SPIN1: variants seen among roughly 807,000 people sequenced by gnomAD.
SPIN1 encodes spindlin 1, also known as spindlin-1.
SPIN1 carries 3 observed loss-of-function variants against 26.0 expected under a neutral mutation model. That is an observed-to-expected ratio of 0.12 (90% CI 0.05 to 0.30). SPIN1 has a LOEUF of 0.30. SPIN1 is among the 10% of genes least tolerant of loss of function. SPIN1 has a pLI of 1.00. For missense variants in SPIN1, 126 were observed against 333.4 expected, an observed-to-expected ratio of 0.38 and a Z score of 4.84; for synonymous variants, 101 against 116.5, an observed-to-expected ratio of 0.87 and a Z score of 0.86.
At chr9:88,426,179 T>C (rs1292246520) in intron 1 of SPIN1, among the ~76,000 whole-genome samples, 1 of 152,222 alleles carries the variant, frequency 6.6e-6, no homozygotes, top group Non-Finnish European at 1.5e-5. Flanking sequence ...CAGGCTTCTT[T>C]TTTTAAAGAG....
At chr9:88,400,767 C>T (rs1012057894) in intron 1 of SPIN1, among the ~76,000 whole-genome samples, 4 of 151,916 alleles carry the variant, frequency 2.6e-5, no homozygotes, top group African/African-American at 9.7e-5. Context: ...ATCGCTTGAG[C>T]CCAGGAGGCA....
At position 88,471,831 on chromosome 9, in the gene SPIN1, T is replaced by C. The variant is rs574528658; in HGVS notation, c.589+3226T>C. On this transcript the variant is annotated intron_variant, in intron 5 of 5. Coordinates refer to ENST00000375859, the MANE Select transcript of SPIN1 (RefSeq NM_006717.3). ...AGATCAAGAAGTTTGAGTCCTGCTT[T>C]TTTTTTTCCTCCTTTTTTTGAGACA... Among the ~76,000 whole-genome samples the C allele has an allele frequency of 3.1e-3, 476 of 152,130 alleles. 10 individuals are homozygous for C. The South Asian group carries it at 0.042, about 14-fold the overall frequency.
rs148808911 is a variant in SPIN1 at position 88,408,981 on chromosome 9, TTGTGTG to T, written c.-158-17377_-158-17372del. 9.1e-4 allele frequency among the ~76,000 whole-genome samples: 125 copies of T among 136,700 alleles called. No individual in the cohort carries two copies. The East Asian group carries it at 0.014, about 16-fold the overall frequency. The allele number at this position is 136,700 out of a possible 152,430, so 89.7% of individuals were successfully genotyped here. Reference sequence around the variant, plus strand: ...CCGGCCCTTTTGTGTTTGTGTGTGTTTGTGTGTGTGTGTGTGTGTGTGTGTGTGTTT... The same window carrying T: ...CCGGCCCTTTTGTGTTTGTGTGTGTTTGTGTGTGTGTGTGTGTGTGTGTTT... On this transcript the variant is annotated intron_variant, in intron 1 of 5. Transcript: ENST00000375859.
In SPIN1 at chr9:88,450,496, CGTTTTGTGCAATA is replaced by C. The variant is rs559582647; in HGVS notation, c.101+1508_101+1520del. 3.3e-3 allele frequency among the ~76,000 whole-genome samples: 504 copies of C among 152,180 alleles called. 4 individuals are homozygous for C. The highest frequency in any genetic ancestry group is 0.023 in the South Asian group (109 of 4,824). On this transcript the variant is annotated intron_variant, in intron 3 of 5. Transcript: ENST00000375859. The stretch of plus-strand genomic sequence containing the variant: ...AGCTCTTGGGCATGTTATTATAATG[CGTTTTGTGCAATA>C]AGATTCCATCTGCCTCATCCTAATA...
chr9:88,393,516 G>A (rs1826980723), intron 1 of SPIN1, among the ~76,000 whole-genome samples: 1 of 135,910 alleles, frequency 7.4e-6, no homozygotes, highest in Non-Finnish European at 1.5e-5. Flanking sequence ...GTGCAGTGGC[G>A]CAGTCTCAGC....
chr9:88,459,137 G>A (rs1243043235), intron 3 of SPIN1, among the ~76,000 whole-genome samples: 1 of 152,218 alleles, frequency 6.6e-6, no homozygotes, highest in Admixed American at 6.5e-5. Context: ...TATCCTTAGT[G>A]AGGTTTGGGA....
chr9:88,403,563 T>G (rs1449999652), intron 1 of SPIN1, among the ~76,000 whole-genome samples: 1 of 151,972 alleles, frequency 6.6e-6, no homozygotes, highest in African/African-American at 2.4e-5. Context: ...TTAAAAAAAT[T>G]AGCTGTGTGT....
intron 3 of SPIN1, among the ~76,000 whole-genome samples, chr9:88,458,476 C>T (rs571916410): frequency 1.9e-3 from 291 of 152,222 alleles, no homozygotes; most frequent in African/African-American, 6.9e-3. Flanking sequence ...TTGGAGGTGT[C>T]TAGTATGAAA....
chr9:88,438,961 C>T (rs369714648), intron 2 of SPIN1, among the ~76,000 whole-genome samples: 2 of 152,034 alleles, frequency 1.3e-5, no homozygotes, highest in African/African-American at 4.8e-5. Flanking sequence ...GTTCATGAGG[C>T]GGTTGACTAG....
chr9:88,434,601 A>G (rs7045695), intron 2 of SPIN1, among the ~76,000 whole-genome samples: 11,656 of 152,054 alleles, frequency 0.077, 1,401 homozygotes, highest in African/African-American at 0.26. Context: ...CTGCTTAACA[A>G]TGTGGGTTAA....
At chr9:88,450,497 G>A (rs1828334422) in intron 3 of SPIN1, among the ~76,000 whole-genome samples, 2 of 151,082 alleles carry the variant, frequency 1.3e-5, no homozygotes, top group African/African-American at 2.4e-5. Context: ...ATTATAATGC[G>A]TTTTGTGCAA....
At chr9:88,399,260 C>T (rs939674003) in intron 1 of SPIN1, among the ~76,000 whole-genome samples, 3 of 151,936 alleles carry the variant, frequency 2.0e-5, no homozygotes, top group African/African-American at 4.8e-5. Flanking sequence ...TCTTGAACTC[C>T]TGACCTCGTG....
intron 2 of SPIN1, among the ~76,000 whole-genome samples, chr9:88,448,705 G>A (rs1013013823): frequency 5.3e-5 from 8 of 152,080 alleles, no homozygotes; most frequent in Non-Finnish European, 1.0e-4. Context: ...TGCTTTTACG[G>A]CTGATTTGAG....
At position 88,407,950 on chromosome 9, in the gene SPIN1, A is replaced by G. The variant is rs145235136; in HGVS notation, c.-158-18432A>G. On this transcript the variant is annotated intron_variant, in intron 1 of 5. Coordinates refer to ENST00000375859, the MANE Select transcript of SPIN1 (RefSeq NM_006717.3). ...GCTATTTTTTGTGGTTTTTGTACAG[A>G]CAGATAGGGTTTCGCCATGTTGTCC... Among the ~76,000 whole-genome samples, 146 of 151,786 alleles carry G rather than the reference A, an allele frequency of 9.6e-4. No homozygotes were observed. In the East Asian group the frequency reaches 0.027, roughly 29 times the overall value.
chr9:88,448,862 T>C, intron 2 of SPIN1, 79 bp from the exon 3 acceptor site: 3 of 1,387,404 alleles, frequency 2.2e-6, no homozygotes, highest in Non-Finnish European at 2.0e-6. Context: ...ATAGCAGTTT[T>C]TCAGAAGTTA....
At chr9:88,468,166 C>G (rs996170957) in intron 4 of SPIN1, among the ~76,000 whole-genome samples, 2 of 152,078 alleles carry the variant, frequency 1.3e-5, no homozygotes, top group Non-Finnish European at 2.9e-5. Flanking sequence ...CAAAATACTT[C>G]TATTCTGTTG....
intron 1 of SPIN1, among the ~76,000 whole-genome samples, chr9:88,407,135 TAAAAAAAA>T (rs397893590): frequency 8.1e-6 from 1 of 122,754 alleles, no homozygotes; most frequent in South Asian, 2.7e-4. Context: ...GATCTTCCTT[TAAAAAAAA>T]AAAAAAAAAA....
At chr9:88,433,652 C>T (rs1233874646) in intron 2 of SPIN1, among the ~76,000 whole-genome samples, 1 of 152,134 alleles carries the variant, frequency 6.6e-6, no homozygotes, top group African/African-American at 2.4e-5. Context: ...GATGATCACT[C>T]ATCTCTCATA....
In SPIN1 at chr9:88,394,293, C is replaced by T. The variant is rs1827004027; in HGVS notation, c.-159+5755C>T. ...TTTCTTGCTTTCTGACACAAGATGTCTAAGGTTCACTTTGTGCTTTTCCTG... is the reference window on the plus strand; with the variant it reads ...TTTCTTGCTTTCTGACACAAGATGTTTAAGGTTCACTTTGTGCTTTTCCTG... On this transcript the variant is annotated intron_variant, in intron 1 of 5. Coordinates refer to ENST00000375859, the MANE Select transcript of SPIN1 (RefSeq NM_006717.3). Among the ~76,000 whole-genome samples the T allele has an allele frequency of 2.0e-5, 3 of 152,176 alleles. No homozygotes were observed. In the South Asian group the frequency reaches 6.2e-4, roughly 31 times the overall value.
Sources: allele counts gnomAD v4.1 joint callset (sites outside exome capture counted in the v4.1 genomes callset), GRCh38; gene constraint gnomAD v4.1.1; transcripts MANE v1.5; gene names NCBI Gene and HGNC (gene_info 2026-07-23, HGNC 2026-07-21).